Variants in NEBL observed in about 807,000 individuals in gnomAD.
The protein encoded by NEBL is nebulette.
In NEBL, 122 loss-of-function variants were observed where a neutral mutation model predicts 140.2. The observed-to-expected ratio is 0.87, with a 90% CI of 0.75 to 1.01. The LOEUF (loss-of-function observed/expected upper bound fraction) is 1.01. Among genes scored for constraint, NEBL ranks in the 50% least tolerant of loss-of-function variants. NEBL has a pLI of 0.00. For missense variants in NEBL, 1,365 were observed against 1,231.3 expected, an observed-to-expected ratio of 1.11 and a Z score of -1.62; for synonymous variants, 436 against 398.9, an observed-to-expected ratio of 1.09 and a Z score of -1.11.
intron 2 of NEBL, among the ~76,000 whole-genome samples, chr10:21,131,350 A>G (rs1839096285): frequency 6.6e-6 from 1 of 152,206 alleles, no homozygotes; most frequent in South Asian, 2.1e-4. Context: ...AATCTCTTTC[A>G]GAGAATAAGA....
intron 2 of NEBL, among the ~76,000 whole-genome samples, chr10:21,084,607 TA>T (rs551922196): frequency 1.6e-4 from 24 of 149,836 alleles, no homozygotes; most frequent in Non-Finnish European, 3.3e-4. Flanking sequence ...AAAAAAAAAA[TA>T]AAAAAATAAA....
At chr10:21,103,821 T>A (rs145340865) in intron 2 of NEBL, among the ~76,000 whole-genome samples, 2 of 152,342 alleles carry the variant, frequency 1.3e-5, no homozygotes, top group African/African-American at 4.8e-5. Flanking sequence ...ATTTTTTTCA[T>A]TTATAGTTAT....
intron 2 of NEBL, among the ~76,000 whole-genome samples, chr10:21,032,205 C>T (rs1833828958): frequency 6.6e-6 from 1 of 152,100 alleles, no homozygotes; most frequent in Non-Finnish European, 1.5e-5. Context: ...TTGAGCAGAG[C>T]CAGGAGAATC....
At chr10:21,176,432 G>C (rs1841301965), upstream of NEBL, among the ~76,000 whole-genome samples, 1 of 152,108 alleles carries the variant, frequency 6.6e-6, no homozygotes, top group African/African-American at 2.4e-5. Flanking sequence ...TACATGCTCA[G>C]AGTTACATTT....
At chr10:21,265,404 C>T (rs1294542925) in intron 1 of NEBL, among the ~76,000 whole-genome samples, 2 of 152,176 alleles carry the variant, frequency 1.3e-5, no homozygotes, top group African/African-American at 2.4e-5. Context: ...TGCAAAACCC[C>T]ATCACAGGTT....
At chr10:21,081,900 T>G (rs1426856716) in intron 2 of NEBL, among the ~76,000 whole-genome samples, 3 of 152,272 alleles carry the variant, frequency 2.0e-5, no homozygotes, top group South Asian at 4.1e-4. Flanking sequence ...GAATAAAATA[T>G]GAAATTGAAG....
intron 3 of NEBL, among the ~76,000 whole-genome samples, chr10:20,973,315 T>C (rs2131641933): frequency 6.6e-6 from 1 of 151,772 alleles, no homozygotes; most frequent in Non-Finnish European, 1.5e-5. Context: ...GGCATGATCA[T>C]GGCTCAGTGC....
chr10:20,839,577 T>C (rs527363050), intron 13 of NEBL, among the ~76,000 whole-genome samples: 2 of 152,292 alleles, frequency 1.3e-5, no homozygotes, highest in South Asian at 2.1e-4. Context: ...GCCTTTTAAA[T>C]GTTTCCTTTA....
intron 7 of NEBL, chr10:20,868,196 T>C (rs1264348941): frequency 6.5e-6 from 1 of 154,102 alleles, no homozygotes; most frequent in Non-Finnish European, 1.4e-5. Flanking sequence ...TATTTTATGC[T>C]CTTTGATAAG....
At chr10:21,218,889 A>T (rs1272238531) in intron 3 of NEBL, among the ~76,000 whole-genome samples, 3 of 152,234 alleles carry the variant, frequency 2.0e-5, no homozygotes, top group Non-Finnish European at 4.4e-5. Flanking sequence ...CTGTTTATGC[A>T]CATTCATTTT....
chr10:20,829,636 G>A (rs1840214761), intron 16 of NEBL, among the ~76,000 whole-genome samples: 1 of 151,864 alleles, frequency 6.6e-6, no homozygotes. Flanking sequence ...ATGTTGAAAT[G>A]CACCAGGCTT....
intron 25 of NEBL, among the ~76,000 whole-genome samples, chr10:20,809,133 T>C (rs575298556): frequency 5.3e-5 from 8 of 152,164 alleles, no homozygotes; most frequent in Non-Finnish European, 1.2e-4. Context: ...ACATCAAAAA[T>C]TAAATATAGA....
At chr10:21,131,682 G>C (rs1286850284) in intron 2 of NEBL, among the ~76,000 whole-genome samples, 1 of 123,724 alleles carries the variant, frequency 8.1e-6, no homozygotes, top group Admixed American at 7.6e-5. Context: ...TCATGACATA[G>C]AACACTGCTT....
At chr10:21,044,535 TG>T (rs1468145388) in intron 2 of NEBL, among the ~76,000 whole-genome samples, 1 of 151,340 alleles carries the variant, frequency 6.6e-6, no homozygotes, top group African/African-American at 2.4e-5. Context: ...CATGCAGTGC[TG>T]TAGCCAAGTA....
At chr10:21,062,335 A>G (rs1835340174) in intron 2 of NEBL, among the ~76,000 whole-genome samples, 1 of 152,078 alleles carries the variant, frequency 6.6e-6, no homozygotes, top group South Asian at 2.1e-4. Flanking sequence ...TTTAAATGAA[A>G]ACTGTTATGT....
At chr10:21,260,639 C>T (rs1842726710) in intron 1 of NEBL, among the ~76,000 whole-genome samples, 1 of 152,118 alleles carries the variant, frequency 6.6e-6, no homozygotes, top group Non-Finnish European at 1.5e-5. Context: ...CCGTTAAAAC[C>T]CATGATGAAA....
intron 2 of NEBL, among the ~76,000 whole-genome samples, chr10:21,124,802 G>A (rs939646712): frequency 3.9e-5 from 6 of 152,092 alleles, no homozygotes; most frequent in East Asian, 1.9e-4. Context: ...AAAAATACAC[G>A]TTTTAAAAAT....
intron 2 of NEBL, among the ~76,000 whole-genome samples, chr10:21,167,039 A>G (rs1840807794): frequency 6.6e-6 from 1 of 152,222 alleles, no homozygotes; most frequent in Admixed American, 6.5e-5. Context: ...GAGGCAGCGG[A>G]GCACTGGCCT....
intron 17 of NEBL, 37 bp from the exon 18 acceptor site, chr10:20,826,576 G>A (rs1839896072): frequency 6.7e-7 from 1 of 1,502,516 alleles, no homozygotes; most frequent in Non-Finnish European, 9.2e-7. Context: ...AACTAAGCTT[G>A]TCAGAATTCA....
Sources: allele counts gnomAD v4.1 joint callset (sites outside exome capture counted in the v4.1 genomes callset), GRCh38; gene constraint gnomAD v4.1.1; transcripts MANE v1.5; gene names NCBI Gene and HGNC (gene_info 2026-07-23, HGNC 2026-07-21).